DOCK2: variants seen among roughly 807,000 people sequenced by gnomAD.
The protein encoded by DOCK2 is dedicator of cytokinesis 2.
DOCK2 carries 87 observed loss-of-function variants against 248.9 expected under a neutral mutation model. The ratio of observed to expected loss-of-function variants is 0.35; its 90% CI spans 0.29 to 0.42. The LOEUF (loss-of-function observed/expected upper bound fraction) is 0.42. DOCK2 is among the 10% of genes least tolerant of loss of function. The pLI, the probability that DOCK2 is intolerant of heterozygous loss-of-function variation, is 1.00. For missense variants in DOCK2, 1,747 were observed against 2,300.2 expected (o/e 0.76, Z 4.92); for synonymous variants, 805 against 821.6 (o/e 0.98, Z 0.35).
chr5:169,757,414 T>G (rs754403748), intron 23 of DOCK2, among the ~76,000 whole-genome samples: 3 of 152,130 alleles, frequency 2.0e-5, no homozygotes, highest in Non-Finnish European at 4.4e-5. Context: ...CTTTCCAAAA[T>G]TCTTTGATTG....
chr5:170,027,743 CA>C, intron 33 of DOCK2, 119 bp from the exon 34 acceptor site: 1 of 900,784 alleles, frequency 1.1e-6, no homozygotes, highest in South Asian at 1.8e-5. Context: ...TCCCAGATCC[CA>C]GCACTCAACC....
At chr5:169,822,219 A>T (rs1251226115) in intron 26 of DOCK2, among the ~76,000 whole-genome samples, 1 of 152,224 alleles carries the variant, frequency 6.6e-6, no homozygotes, top group Admixed American at 6.5e-5. Flanking sequence ...CCAGACAGAA[A>T]GTTAACAAGG....
intron 27 of DOCK2, among the ~76,000 whole-genome samples, chr5:169,925,640 C>T (rs1775406766): frequency 6.7e-6 from 1 of 149,218 alleles, no homozygotes; most frequent in Non-Finnish European, 1.5e-5. Context: ...GCAGCTCTGC[C>T]ATTGATTGGT....
Position 169,709,890 on chromosome 5 carries a change from C to T in DOCK2, c.1482+1623C>T, listed in dbSNP as rs547985705. 2.0e-5 allele frequency among the ~76,000 whole-genome samples: 3 copies of T among 152,330 alleles called. No homozygotes were observed. The South Asian group carries it at 6.2e-4, about 32-fold the overall frequency. ...TGCAAAAGGAAATAAGAATGCAGAG[C>T]ACGTCCCAAAACTCGTTGACTACCG... is the stretch of plus-strand genomic sequence containing the variant. On this transcript the variant is annotated intron_variant, in intron 15 of 51. Transcript: ENST00000520908.
At position 170,040,866 on chromosome 5, in the gene DOCK2, G is replaced by A. The variant is rs1040868317; in HGVS notation, c.3666-189G>A. On this transcript the variant is annotated intron_variant, in intron 36 of 51. Transcript: ENST00000520908. ...ATTTAAAATAGTTAACTTAGTACCTGTCATGCACTAAGTAACCAACACACA... is the reference window on the plus strand; with the variant it reads ...ATTTAAAATAGTTAACTTAGTACCTATCATGCACTAAGTAACCAACACACA... 1.1e-4 allele frequency: 64 copies of A among 574,200 alleles called. 3 individuals carry two copies. Among genetic ancestry groups the A allele is most frequent in the Non-Finnish European group, 1.1e-4 (35 of 324,876 alleles). The allele number at this position is 574,200 out of a possible 1,614,324, so 35.6% of individuals were successfully genotyped here. A position where few individuals can be genotyped will look rare whatever the true frequency, so the allele number is the denominator to read the frequency against.
intron 27 of DOCK2, chr5:169,884,836 A>C (rs1263778200): frequency 6.6e-6 from 1 of 152,314 alleles, no homozygotes; most frequent in Non-Finnish European, 1.5e-5. Flanking sequence ...AAGAGACAAC[A>C]GTGGCCAATG....
At chr5:170,039,131 C>G (rs1756423453) in intron 36 of DOCK2, among the ~76,000 whole-genome samples, 1 of 152,132 alleles carries the variant, frequency 6.6e-6, no homozygotes, top group Non-Finnish European at 1.5e-5. Flanking sequence ...CTCATCTTAA[C>G]AGAGTTATTG....
Position 170,050,318 on chromosome 5 carries a change from G to A in DOCK2, c.4134G>A (p.Leu1378=). 2 of 1,614,200 alleles carry A rather than the reference G, an allele frequency of 1.2e-6. No homozygotes were observed. Among genetic ancestry groups the A allele is most frequent in the Non-Finnish European group, 1.7e-6 (2 of 1,180,030 alleles). The change falls in exon 41 of 52, where the codon CTG becomes CTA. Residue 1378 remains leucine (L), a synonymous_variant. Coordinates refer to ENST00000520908, the MANE Select transcript of DOCK2 (RefSeq NM_004946.3). ...GAAGAGAAGATTTCCAGATGCAGCT[G>A]ATGACCCAGTTCCCCAATGCAGAGA... is the stretch of plus-strand genomic sequence containing the variant. ...YERREDFQMQ[L]MTQFPNAEKM...
intron 33 of DOCK2, among the ~76,000 whole-genome samples, chr5:170,022,808 C>CT (rs1414866290): frequency 6.6e-6 from 1 of 152,208 alleles, no homozygotes; most frequent in African/African-American, 2.4e-5. Context: ...CTCCCAGTCC[C>CT]TGTCAAGTGC....
At chr5:169,952,996 AT>A (rs1776725013) in intron 27 of DOCK2, among the ~76,000 whole-genome samples, 1 of 152,178 alleles carries the variant, frequency 6.6e-6, no homozygotes, top group Non-Finnish European at 1.5e-5. Context: ...TATTTATTGA[AT>A]TGTTTAAACA....
At chr5:169,972,582 TAGATGATAGATAGATA>T (rs1384433755) in intron 27 of DOCK2, among the ~76,000 whole-genome samples, 1,341 of 61,432 alleles carry the variant, frequency 0.022, 23 homozygotes, top group African/African-American at 0.082. Flanking sequence ...GATAGATAGA[TAGATGATAGATAGATA>T]GATAGATAGA....
intron 22 of DOCK2, among the ~76,000 whole-genome samples, chr5:169,739,778 C>T (rs954577203): frequency 2.0e-5 from 3 of 152,124 alleles, no homozygotes; most frequent in East Asian, 3.8e-4. Context: ...CTTCTTGGCA[C>T]CCAGACTTTT....
intron 25 of DOCK2, among the ~76,000 whole-genome samples, chr5:169,768,698 G>T (rs1376865044): frequency 2.6e-5 from 4 of 152,198 alleles, no homozygotes; most frequent in African/African-American, 9.7e-5. Flanking sequence ...GTTGACATGA[G>T]GCTCTGCTTC....
At chr5:169,739,094 C>T (rs1306284755) in intron 22 of DOCK2, among the ~76,000 whole-genome samples, 1 of 152,198 alleles carries the variant, frequency 6.6e-6, no homozygotes, top group African/African-American at 2.4e-5. Flanking sequence ...CACTTAACTA[C>T]ACACACCAAA....
intron 27 of DOCK2, among the ~76,000 whole-genome samples, chr5:169,861,879 T>C (rs1254047664): frequency 1.3e-5 from 2 of 152,228 alleles, no homozygotes; most frequent in African/African-American, 2.4e-5. Flanking sequence ...TACAGCCTTG[T>C]TTGGCTGTAT....
At chr5:170,007,563 G>A (rs1306400466) in intron 30 of DOCK2, among the ~76,000 whole-genome samples, 3 of 152,108 alleles carry the variant, frequency 2.0e-5, no homozygotes, top group Admixed American at 6.5e-5. Flanking sequence ...CAGGTTTACC[G>A]AGGCTCCGTG....
intron 38 of DOCK2, among the ~76,000 whole-genome samples, chr5:170,043,331 G>C (rs1179368490): frequency 6.6e-6 from 1 of 152,166 alleles, no homozygotes; most frequent in Non-Finnish European, 1.5e-5. Flanking sequence ...AATGCACGTA[G>C]AGCACCCTGC....
chr5:169,967,931 A>G (rs1466565937), intron 27 of DOCK2, among the ~76,000 whole-genome samples: 1 of 152,226 alleles, frequency 6.6e-6, no homozygotes, highest in Non-Finnish European at 1.5e-5. Flanking sequence ...TGTCCTGGCC[A>G]AAGTGGCTGG....
chr5:169,909,820 G>T (rs1774494931), intron 27 of DOCK2, among the ~76,000 whole-genome samples: 1 of 152,160 alleles, frequency 6.6e-6, no homozygotes. Context: ...CTTCTAGAAT[G>T]GTCTGAGTAG....
Sources: gnomAD v4.1 joint callset for allele counts (sites outside exome capture counted in the v4.1 genomes callset) on GRCh38, gnomAD v4.1.1 for gene constraint, MANE v1.5 for transcripts, NCBI Gene and HGNC (gene_info 2026-07-23, HGNC 2026-07-21) for gene names.